CFAP43: variants seen among roughly 807,000 people sequenced by gnomAD.
CFAP43 encodes the protein cilia and flagella associated protein 43, also known as cilia- and flagella-associated protein 43.
In CFAP43, 155 loss-of-function variants were observed where a neutral mutation model predicts 218.9. The ratio of observed to expected loss-of-function variants is 0.71; its 90% CI spans 0.62 to 0.81. The LOEUF is 0.81. CFAP43 is among the 30% of genes least tolerant of loss of function. The pLI is 0.00. For missense variants in CFAP43, 1,778 were observed against 1,954.3 expected, an observed-to-expected ratio of 0.91 and a Z score of 1.70; for synonymous variants, 645 against 681.3, an observed-to-expected ratio of 0.95 and a Z score of 0.83.
rs754547415 is a variant in CFAP43, at chr10:104,186,015, C to G, written c.1969G>C (p.Ala657Pro). The G allele has an allele frequency of 3.1e-6, 5 of 1,611,274 alleles. No individual in the cohort carries two copies. In the East Asian group the frequency reaches 1.1e-4, roughly 36 times the overall value. ...SSHGLWLITIAKCGILCIRDV... is the reference protein window; with the variant it reads ...SSHGLWLITIPKCGILCIRDV... Reference sequence around the variant, plus strand: ...CGGATACACAGAATTCCACATTTAGCTATTGTTATGAGCCACAATCCATGT... The same window carrying G: ...CGGATACACAGAATTCCACATTTAGGTATTGTTATGAGCCACAATCCATGT... The change falls in exon 15 of 38, where the codon GCT becomes CCT. Residue 657 changes from alanine (A) to proline (P), a missense_variant. Ala to Pro is a conservative substitution (Grantham distance 27, BLOSUM62 -1). Coordinates refer to ENST00000357060, the MANE Select transcript of CFAP43 (RefSeq NM_025145.7).
chr10:104,150,246 G>C (rs1055682639), intron 28 of CFAP43, among the ~76,000 whole-genome samples: 7 of 152,052 alleles, frequency 4.6e-5, no homozygotes, highest in African/African-American at 1.7e-4. Context: ...TGTTAGGCTG[G>C]AGCATTCATT....
rs537819947 is a variant in CFAP43, at chr10:104,229,425, G to T, written c.319+1165C>A. 2.0e-5 allele frequency among the ~76,000 whole-genome samples: 3 copies of T among 151,826 alleles called. No homozygotes were observed. In the South Asian group the frequency reaches 6.3e-4, roughly 32 times the overall value. On this transcript the variant is annotated intron_variant, in intron 2 of 37. Coordinates refer to ENST00000357060, the MANE Select transcript of CFAP43 (RefSeq NM_025145.7). The stretch of plus-strand genomic sequence containing the variant: ...CCCAGCACTTTGGGAGGCGGAGGTG[G>T]GTGGATCACTTGAGGCCAGGAGTTC...
intron 2 of CFAP43, among the ~76,000 whole-genome samples, chr10:104,227,417 A>G (rs2091332214): frequency 6.6e-6 from 1 of 152,218 alleles, no homozygotes; most frequent in Non-Finnish European, 1.5e-5. Context: ...AGTGCTACCA[A>G]TTTCACTGCA....
At chr10:104,171,483 A>G (rs945394852) in intron 20 of CFAP43, among the ~76,000 whole-genome samples, 1 of 151,254 alleles carries the variant, frequency 6.6e-6, no homozygotes, top group Non-Finnish European at 1.5e-5. Context: ...CATGGTGGAA[A>G]CCTCCCTCCT....
intron 4 of CFAP43, among the ~76,000 whole-genome samples, chr10:104,212,886 G>T: frequency 6.6e-6 from 1 of 152,204 alleles, no homozygotes; most frequent in East Asian, 1.9e-4. Flanking sequence ...CTACTCAAAT[G>T]TAAGGCTGAA....
intron 12 of CFAP43, among the ~76,000 whole-genome samples, chr10:104,191,813 G>A (rs1163373176): frequency 6.7e-6 from 1 of 150,348 alleles, no homozygotes; most frequent in East Asian, 2.0e-4. Context: ...CACATATACA[G>A]TTGGCATGTA....
intron 10 of CFAP43, among the ~76,000 whole-genome samples, chr10:104,194,452 C>A (rs931057768): frequency 2.6e-5 from 4 of 152,120 alleles, no homozygotes; most frequent in Admixed American, 6.5e-5. Flanking sequence ...CTTCCTCTGT[C>A]TTGAACTACT....
chr10:104,175,759 C>T (rs2089606075), intron 19 of CFAP43, among the ~76,000 whole-genome samples: 2 of 152,110 alleles, frequency 1.3e-5, no homozygotes, highest in African/African-American at 4.8e-5. Context: ...GCCACCACGC[C>T]CAAGTTTCTA....
intron 3 of CFAP43, among the ~76,000 whole-genome samples, chr10:104,215,913 C>T (rs1174577410): frequency 2.0e-5 from 3 of 152,120 alleles, no homozygotes; most frequent in African/African-American, 7.2e-5. Context: ...GCCAATTCCA[C>T]CACCTGTGCT....
intron 3 of CFAP43, among the ~76,000 whole-genome samples, chr10:104,223,346 A>G (rs2091231535): frequency 6.6e-6 from 1 of 152,264 alleles, no homozygotes; most frequent in African/African-American, 2.4e-5. Context: ...ATCATTTTTG[A>G]AACTCTGACT....
Position 104,186,081 on chromosome 10 carries a change from G to A in CFAP43, c.1903C>T (p.Gln635Ter), listed in dbSNP as rs868042369. Residue 635 changes from glutamine (Q) to a stop codon, truncating the protein, a stop_gained, in exon 15 of 38, where the codon CAA becomes TAA. Transcript: ENST00000357060. LOFTEE classifies it high-confidence loss of function. ...IYILKPYKKV[Q>*]SRQYGPGLLY... ...AGTCCAGGTCCATACTGTCTGCTTT[G>A]TACTTTTTTGTATGGTTTAAGAATG... 3 of 1,571,426 alleles carry A rather than the reference G, an allele frequency of 1.9e-6. No homozygotes were observed. The highest frequency in any genetic ancestry group is 1.7e-6 in the Non-Finnish European group (2 of 1,165,204).
intron 6 of CFAP43, among the ~76,000 whole-genome samples, 178 bp from the exon 7 acceptor site, chr10:104,206,208 G>T (rs2090683826): frequency 6.6e-6 from 1 of 152,138 alleles, no homozygotes; most frequent in African/African-American, 2.4e-5. Flanking sequence ...AGGCTGGAGG[G>T]TATAGTAGGA....
chr10:104,183,872 C>T (rs995799240), intron 16 of CFAP43, among the ~76,000 whole-genome samples: 4 of 152,188 alleles, frequency 2.6e-5, no homozygotes, highest in African/African-American at 9.7e-5. Context: ...GAGATAAAAG[C>T]TAATATTCTA....
chr10:104,217,643 C>G (rs2091052580), intron 3 of CFAP43, among the ~76,000 whole-genome samples: 1 of 152,172 alleles, frequency 6.6e-6, no homozygotes, highest in African/African-American at 2.4e-5. Flanking sequence ...AGCTTCGATC[C>G]CGGTACATTT....
chr10:104,188,431 A>C, intron 12 of CFAP43, 21 bp from the exon 13 acceptor site: 1 of 1,610,506 alleles, frequency 6.2e-7, no homozygotes, highest in Non-Finnish European at 8.5e-7. Context: ...ACAGAGATCA[A>C]CACCACAAGT....
chr10:104,137,153 T>A (rs996312594), intron 34 of CFAP43, among the ~76,000 whole-genome samples: 1 of 152,170 alleles, frequency 6.6e-6, no homozygotes, highest in Admixed American at 6.5e-5. Flanking sequence ...AAAACAGGTT[T>A]TCAAAAACTT....
intron 27 of CFAP43, among the ~76,000 whole-genome samples, chr10:104,160,545 A>G (rs2088815992): frequency 1.3e-5 from 2 of 152,216 alleles, no homozygotes; most frequent in African/African-American, 2.4e-5. Context: ...CTTCTGATGG[A>G]TGGGGATAAA....
Position 104,214,159 on chromosome 10 carries a change from G to A in CFAP43, c.584+100C>T, listed in dbSNP as rs1055551002. The A allele has an allele frequency of 5.6e-5, 64 of 1,146,562 alleles. No individual in the cohort carries two copies. In the African/African-American group the frequency reaches 8.5e-4, roughly 15 times the overall value. The allele number at this position is 1,146,562 out of a possible 1,614,324, so 71.0% of individuals were successfully genotyped here. Reference sequence around the variant, plus strand: ...TGTATGTGTGTGTATGCATATATATGTATGTATAAAGCCACTTAATTCATC... The same window carrying A: ...TGTATGTGTGTGTATGCATATATATATATGTATAAAGCCACTTAATTCATC... On this transcript the variant is annotated intron_variant, in intron 4 of 37. Transcript: ENST00000357060.
At chr10:104,187,263 T>C (rs2090059746) in intron 14 of CFAP43, 57 bp downstream of exon 14, 2 of 1,460,890 alleles carry the variant, frequency 1.4e-6, no homozygotes, top group Middle Eastern at 1.8e-4. Flanking sequence ...CTAATCAGTA[T>C]AATGTATCAA....
Sources: gnomAD v4.1 joint callset for allele counts (sites outside exome capture counted in the v4.1 genomes callset) on GRCh38, gnomAD v4.1.1 for gene constraint, MANE v1.5 for transcripts, NCBI Gene and HGNC (gene_info 2026-07-23, HGNC 2026-07-21) for gene names.